The following RIMBP2 variants were observed in gnomAD, a reference collection of about 807,000 sequenced individuals.
RIMBP2 encodes the protein RIMS binding protein 2, also known as RIMS-binding protein 2.
RIMBP2 carries 48 observed loss-of-function variants against 118.6 expected under a neutral mutation model. That is an observed-to-expected ratio of 0.40 (90% confidence interval 0.32 to 0.51). The LOEUF is 0.51. RIMBP2 is among the 20% of genes least tolerant of loss of function. RIMBP2 has a pLI of 0.41. For synonymous variants in RIMBP2, 762 were observed against 742.9 expected (o/e 1.03, Z -0.42); for missense variants, 1,551 against 1,768.3 (o/e 0.88, Z 2.20).
intron 2 of RIMBP2, among the ~76,000 whole-genome samples, chr12:130,561,985 A>G (rs972706769): frequency 6.6e-6 from 1 of 152,228 alleles, no homozygotes; most frequent in Admixed American, 6.5e-5. Flanking sequence ...AGAAAAGTGC[A>G]GAAAAAATGA....
intron 4 of RIMBP2, among the ~76,000 whole-genome samples, chr12:130,480,746 GCC>G (rs2081923760): frequency 6.6e-6 from 1 of 152,090 alleles, no homozygotes; most frequent in African/African-American, 2.4e-5. Context: ...GATTACAGGT[GCC>G]CACCACCATG....
chr12:130,595,399 A>T (rs931701122), intron 2 of RIMBP2, among the ~76,000 whole-genome samples: 2 of 152,122 alleles, frequency 1.3e-5, no homozygotes, highest in African/African-American at 4.8e-5. Flanking sequence ...TCTACTAAAA[A>T]TACAAAAAAT....
At chr12:130,481,420 G>T (rs2082001585) in intron 4 of RIMBP2, among the ~76,000 whole-genome samples, 1 of 152,088 alleles carries the variant, frequency 6.6e-6, no homozygotes, top group Admixed American at 6.5e-5. Context: ...CTTCCTCCCG[G>T]CCCGTGTTTC....
chr12:130,623,339 C>T lies in RIMBP2; in HGVS notation c.-217+4983G>A, dbSNP rs2061434295. Among the ~76,000 whole-genome samples, 1 of 152,142 alleles carries T rather than the reference C, an allele frequency of 6.6e-6. No individual in the cohort carries two copies. The highest frequency in any genetic ancestry group is 2.4e-5 in the African/African-American group (1 of 41,418). ...ACATGTGCCACAGTGGTTTGCTGCA[C>T]CCATCAGCCTGTCATCTAGGTTTTA... On this transcript the variant is annotated intron_variant, in intron 2 of 22. Coordinates refer to ENST00000690449, the MANE Select transcript of RIMBP2 (RefSeq NM_001393629.1). This position sits in a 1 kb window ranked among gnomAD's most constrained non-coding sequence, Gnocchi z 4.1.
At position 130,623,281 on chromosome 12, in the gene RIMBP2, T is replaced by C. The variant is rs1167339309; in HGVS notation, c.-217+5041A>G. On this transcript the variant is annotated intron_variant, in intron 2 of 22. Transcript: ENST00000690449. The surrounding 1 kb of genome is among the most constrained non-coding windows in gnomAD (Gnocchi z 4.1). The stretch of plus-strand genomic sequence containing the variant: ...ATTTTACTTTAAGTTCTTGGCTACA[T>C]GTGCAGAACATGCAGGTTTGTTACA... 1.3e-5 allele frequency among the ~76,000 whole-genome samples: 2 copies of C among 152,214 alleles called. No individual in the cohort carries two copies. Among genetic ancestry groups the C allele is most frequent in the African/African-American group, 4.8e-5 (2 of 41,450 alleles).
chr12:130,440,572 C>G (rs2078036031), intron 11 of RIMBP2, among the ~76,000 whole-genome samples: 1 of 152,184 alleles, frequency 6.6e-6, no homozygotes, highest in South Asian at 2.1e-4. Flanking sequence ...CCTCCTGACT[C>G]CCCACGGAGT....
rs1413520562 is a variant in RIMBP2 at position 130,424,307 on chromosome 12, G to A, written c.2964C>T (p.Asp988=). 7 of 1,231,562 alleles carry A rather than the reference G, an allele frequency of 5.7e-6. No homozygotes were observed. The highest frequency in any genetic ancestry group is 4.7e-5 in the African/African-American group (3 of 64,432). 76.3% of individuals were successfully genotyped at this position (1,231,562 alleles called of 1,614,324 possible). ...GCGGCCTCTCCGGGCCGGGCTGGGGGTCGTCGTTCCTGAGGAGGCCACCAG... is the reference window on the plus strand; with the variant it reads ...GCGGCCTCTCCGGGCCGGGCTGGGGATCGTCGTTCCTGAGGAGGCCACCAG... ...VGPGGLLRND[D]PQPGPERPPP... The change falls in exon 16 of 23, where the codon GAC becomes GAT. Residue 988 remains aspartate, a synonymous_variant. Coordinates refer to ENST00000690449, the MANE Select transcript of RIMBP2 (RefSeq NM_001393629.1). This position sits in a 1 kb window ranked among gnomAD's most constrained non-coding sequence, Gnocchi z 9.8.
At position 130,708,424 on chromosome 12, in the gene RIMBP2, G is replaced by A. The variant is rs187003554; in HGVS notation, c.-352+7798C>T. Among the ~76,000 whole-genome samples, 381 of 152,250 alleles carry A rather than the reference G, an allele frequency of 2.5e-3. 2 individuals are homozygous for A. The highest frequency in any genetic ancestry group is 8.8e-3 in the African/African-American group (364 of 41,522). On this transcript the variant is annotated intron_variant, in intron 1 of 22. Coordinates refer to ENST00000690449, the MANE Select transcript of RIMBP2 (RefSeq NM_001393629.1). ...GTCTTAAAGCTGGGCATGGTGGCTC[G>A]TGCCTATAATCTCAGCACTTCAGGA...
In RIMBP2 at chr12:130,578,565, C is replaced by T. The variant is rs1207403478; in HGVS notation, c.-217+49757G>A. On this transcript the variant is annotated intron_variant, in intron 2 of 22. Coordinates refer to ENST00000690449, the MANE Select transcript of RIMBP2 (RefSeq NM_001393629.1). The surrounding 1 kb of genome is among the most constrained non-coding windows in gnomAD (Gnocchi z 4.1). ...GTTTCTCGATCATAGCAAACTTGCT[C>T]CAGCCTTGGGGCCTGTGCACTGTGG... Among the ~76,000 whole-genome samples the T allele has an allele frequency of 6.6e-6, 1 of 152,250 alleles. No homozygotes were observed. Among genetic ancestry groups the T allele is most frequent in the Non-Finnish European group, 1.5e-5 (1 of 68,042 alleles).
chr12:130,583,887 ACCT>A (rs2058656220), intron 2 of RIMBP2, among the ~76,000 whole-genome samples: 1 of 146,704 alleles, frequency 6.8e-6, no homozygotes, highest in Non-Finnish European at 1.5e-5. Flanking sequence ...CACCACCATC[ACCT>A]CATCACCATG....
At position 130,646,340 on chromosome 12, in the gene RIMBP2, TCCCTCA is replaced by T. The variant is rs2062950440; in HGVS notation, c.-351-17890_-351-17885del. On this transcript the variant is annotated intron_variant, in intron 1 of 22. Coordinates refer to ENST00000690449, the MANE Select transcript of RIMBP2 (RefSeq NM_001393629.1). ...TTCCCTCTCCACCTGCCTCACCACC[TCCCTCA>T]CCACCTCCCTCACCACCTCCCTCAC... Among the ~76,000 whole-genome samples the T allele has an allele frequency of 5.5e-5, 7 of 126,414 alleles. 3 individuals carry two copies. The highest frequency in any genetic ancestry group is 1.0e-4 in the Non-Finnish European group (6 of 57,742). 82.9% of individuals were successfully genotyped at this position (126,414 alleles called of 152,430 possible). A position where few individuals can be genotyped will look rare whatever the true frequency, so the allele number is the denominator to read the frequency against.
chr12:130,400,613 T>C (rs922856850), intron 21 of RIMBP2, among the ~76,000 whole-genome samples: 3 of 152,172 alleles, frequency 2.0e-5, no homozygotes, highest in African/African-American at 7.2e-5. Flanking sequence ...TTTCTCTGTT[T>C]ATATGGTCTA....
intron 1 of RIMBP2, among the ~76,000 whole-genome samples, chr12:130,648,726 G>A (rs1251955696): frequency 1.4e-5 from 2 of 141,202 alleles, no homozygotes; most frequent in East Asian, 2.0e-4. Flanking sequence ...GCGCGATCTC[G>A]GCTCACCGCA....
intron 15 of RIMBP2, 45 bp downstream of exon 15, chr12:130,428,134 T>G (rs1429316722): frequency 4.6e-6 from 7 of 1,533,398 alleles, no homozygotes; most frequent in Non-Finnish European, 4.4e-6. Context: ...TGGATGGAGC[T>G]ACTCTGGGGA....
At chr12:130,458,672 T>A (rs1270845302) in intron 6 of RIMBP2, among the ~76,000 whole-genome samples, 1 of 152,180 alleles carries the variant, frequency 6.6e-6, no homozygotes, top group Non-Finnish European at 1.5e-5. Flanking sequence ...CATTTAATAG[T>A]CATGCATTCA....
chr12:130,544,596 CTTTTTT>C (rs35041449), intron 2 of RIMBP2, among the ~76,000 whole-genome samples: 1 of 100,498 alleles, frequency 1.0e-5, no homozygotes, highest in African/African-American at 3.9e-5. Flanking sequence ...AACTGGAGGC[CTTTTTT>C]TTTTTTTTTT....
chr12:130,433,849 G>A lies in RIMBP2; in HGVS notation c.2253+885C>T, dbSNP rs527504804. Among the ~76,000 whole-genome samples, 5 of 152,324 alleles carry A rather than the reference G, an allele frequency of 3.3e-5. No individual in the cohort carries two copies. In the South Asian group the frequency reaches 1.0e-3, roughly 32 times the overall value. ...CTGAGAGCCAAAAATCCACCTCGCA[G>A]CCTCTACTGCAGACTCCCTGTGATG... is the stretch of plus-strand genomic sequence containing the variant. On this transcript the variant is annotated intron_variant, in intron 14 of 22. Transcript: ENST00000690449.
Position 130,450,072 on chromosome 12 carries a change from G to A in RIMBP2, c.581+128C>T. 4.6e-6 allele frequency: 3 copies of A among 652,750 alleles called. No homozygotes were observed. In the South Asian group the frequency reaches 5.1e-5, roughly 11 times the overall value. The allele number at this position is 652,750 out of a possible 1,614,324, so 40.4% of individuals were successfully genotyped here. A position where few individuals can be genotyped will look rare whatever the true frequency, so the allele number is the denominator to read the frequency against. On this transcript the variant is annotated intron_variant, in intron 9 of 22. Transcript: ENST00000690449. This position sits in a 1 kb window ranked among gnomAD's most constrained non-coding sequence, Gnocchi z 4.8. Reference sequence around the variant, plus strand: ...GAACCCTGCTCAGCCTCCAGGCCAGGCTGAAATCCCACCTTCTCCTCGTGC... The same window carrying A: ...GAACCCTGCTCAGCCTCCAGGCCAGACTGAAATCCCACCTTCTCCTCGTGC...
chr12:130,705,589 C>T (rs1413698606), intron 1 of RIMBP2, among the ~76,000 whole-genome samples: 2 of 152,256 alleles, frequency 1.3e-5, no homozygotes, highest in Non-Finnish European at 2.9e-5. Flanking sequence ...CAACTCAGCA[C>T]AGGCGTTTGC....
Sources: allele counts gnomAD v4.1 joint callset (sites outside exome capture counted in the v4.1 genomes callset), GRCh38; gene constraint gnomAD v4.1.1; non-coding constraint Gnocchi (gnomAD v3.1); transcripts MANE v1.5; gene names NCBI Gene and HGNC (gene_info 2026-07-23, HGNC 2026-07-21).